AFAP1: variants seen among roughly 807,000 people sequenced by gnomAD.
AFAP1 encodes the protein actin filament associated protein 1, also known as actin filament-associated protein 1.
A neutral mutation model predicts 93.9 loss-of-function variants in AFAP1; 75 were observed. The ratio of observed to expected loss-of-function variants is 0.80; its 90% CI spans 0.66 to 0.97. The LOEUF (loss-of-function observed/expected upper bound fraction) is 0.97, where lower values mean the gene tolerates loss of function less well. Ranked by LOEUF, AFAP1 falls within the 50% of genes least tolerant of loss-of-function variation. The pLI, the probability that AFAP1 is intolerant of heterozygous loss-of-function variation, is 0.00. For missense variants in AFAP1, 1,201 were observed against 1,050.8 expected (o/e 1.14, Z -1.98); for synonymous variants, 517 against 430.7 (o/e 1.20, Z -2.48).
chr4:7,789,195 G>C (rs975415908), intron 11 of AFAP1, among the ~76,000 whole-genome samples: 3 of 152,134 alleles, frequency 2.0e-5, no homozygotes, highest in Non-Finnish European at 2.9e-5. Context: ...CGAGGCCTCG[G>C]TCTTGTGCTT....
intron 13 of AFAP1, among the ~76,000 whole-genome samples, chr4:7,780,724 A>C (rs1340507838): frequency 6.6e-6 from 1 of 152,142 alleles, no homozygotes; most frequent in Non-Finnish European, 1.5e-5. Flanking sequence ...AGGGTGTGCA[A>C]TGGACAGTAG....
At chr4:7,776,760 AGG>A (rs1716169125) in intron 14 of AFAP1, 1 of 152,238 alleles carries the variant, frequency 6.6e-6, no homozygotes, top group Non-Finnish European at 1.5e-5. Flanking sequence ...CTGAAACAAA[AGG>A]ATCGCTGTTT....
chr4:7,770,337 C>T (rs145037534), intron 16 of AFAP1, among the ~76,000 whole-genome samples: 10 of 152,124 alleles, frequency 6.6e-5, no homozygotes, highest in South Asian at 4.1e-4. Flanking sequence ...GCAGCTGTGC[C>T]GAAGGGCACC....
intron 3 of AFAP1, among the ~76,000 whole-genome samples, chr4:7,860,231 A>G (rs1715520334): frequency 6.6e-6 from 1 of 152,172 alleles, no homozygotes; most frequent in Non-Finnish European, 1.5e-5. Flanking sequence ...CTTCTGCAAA[A>G]TGCTTGGGAC....
At chr4:7,897,132 C>T (rs1040850551) in intron 1 of AFAP1, among the ~76,000 whole-genome samples, 3 of 152,114 alleles carry the variant, frequency 2.0e-5, no homozygotes, top group African/African-American at 4.8e-5. Context: ...AACTCCAAAC[C>T]ATTTCCAACT....
In AFAP1 at chr4:7,819,095, T is replaced by G; in HGVS notation, c.803A>C (p.His268Pro). 3 of 1,613,286 alleles carry G rather than the reference T, an allele frequency of 1.9e-6. No individual in the cohort carries two copies. The highest frequency in any genetic ancestry group is 1.7e-6 in the Non-Finnish European group (2 of 1,179,630). ...CCTTACCTTCTCCAGTTCTGCCTTG[T>G]GCACCGGGGAGCTTGGTGGAGGAGG... is the stretch of plus-strand genomic sequence containing the variant. ...ECPPPPSSPV[H>P]KAELEKKLSS... is the part of the protein sequence containing the mutation. Residue 268 changes from histidine (H) to proline (P), a missense_variant, in exon 7 of 18, where the codon CAC becomes CCC. His to Pro is a moderately conservative substitution (Grantham distance 77, BLOSUM62 -2). Transcript: ENST00000420658.
intron 11 of AFAP1, 58 bp from the exon 12 acceptor site, chr4:7,786,369 T>C: frequency 2.1e-6 from 3 of 1,430,486 alleles, no homozygotes. Flanking sequence ...CTCCAATCAG[T>C]CAAGTCTTTA....
intron 1 of AFAP1, among the ~76,000 whole-genome samples, chr4:7,936,902 G>A (rs1195415347): frequency 6.6e-6 from 1 of 152,030 alleles, no homozygotes. Context: ...TTTTAAACTA[G>A]GCTTCAAACC....
At chr4:7,786,449 T>C in intron 11 of AFAP1, 138 bp from the exon 12 acceptor site, 1 of 716,602 alleles carries the variant, frequency 1.4e-6, no homozygotes. Context: ...CTAGACAGAA[T>C]CTCGGCAGAA....
chr4:7,770,952 C>T (rs2148956464), intron 16 of AFAP1, among the ~76,000 whole-genome samples: 1 of 152,342 alleles, frequency 6.6e-6, no homozygotes, highest in South Asian at 2.1e-4. Context: ...CTGCCACTCT[C>T]ACTGCACCTG....
intron 14 of AFAP1, chr4:7,775,816 TTAAA>T (rs2148969789): frequency 1.3e-5 from 2 of 151,780 alleles, no homozygotes; most frequent in South Asian, 4.2e-4. Flanking sequence ...GTTACGAGGA[TTAAA>T]TATTTATAAA....
chr4:7,885,456 G>C (rs1478160238), intron 1 of AFAP1, among the ~76,000 whole-genome samples: 1 of 152,044 alleles, frequency 6.6e-6, no homozygotes, highest in Non-Finnish European at 1.5e-5. Context: ...CGTCTCCCCC[G>C]CCTCAGGCCG....
At chr4:7,784,920 G>A (rs1717123944) in intron 12 of AFAP1, among the ~76,000 whole-genome samples, 1 of 152,134 alleles carries the variant, frequency 6.6e-6, no homozygotes, top group Non-Finnish European at 1.5e-5. Context: ...AAAGAATGGA[G>A]AATCAAAACA....
At position 7,820,801 on chromosome 4, in the gene AFAP1, CAG is replaced by C. The variant is rs1720909634; in HGVS notation, c.727-1632_727-1631del. 2.6e-5 allele frequency among the ~76,000 whole-genome samples: 4 copies of C among 152,264 alleles called. No homozygotes were observed. In the South Asian group the frequency reaches 8.3e-4, roughly 32 times the overall value. ...AGAGAGGCTAGCACATCCTGTCTGA[CAG>C]AGTCCACTTTCTCAGTAAGACTATC... On this transcript the variant is annotated intron_variant, in intron 6 of 17. Coordinates refer to ENST00000420658, the MANE Select transcript of AFAP1 (RefSeq NM_001134647.2).
At chr4:7,806,944 C>T (rs1442134804) in intron 9 of AFAP1, among the ~76,000 whole-genome samples, 8 of 152,230 alleles carry the variant, frequency 5.3e-5, no homozygotes, top group Admixed American at 3.9e-4. Flanking sequence ...TATCAGGAGC[C>T]ACGGGAGTGT....
chr4:7,771,201 G>C (rs1327959271), intron 16 of AFAP1, among the ~76,000 whole-genome samples: 1 of 152,208 alleles, frequency 6.6e-6, no homozygotes, highest in Non-Finnish European at 1.5e-5. Context: ...TGCAGGCCTG[G>C]AACAGTTTGT....
chr4:7,903,431 G>A (rs1719226854), intron 1 of AFAP1, among the ~76,000 whole-genome samples: 1 of 152,250 alleles, frequency 6.6e-6, no homozygotes, highest in Admixed American at 6.5e-5. Flanking sequence ...TGTAATCTCA[G>A]CACTTTGGGA....
chr4:7,759,807 G>T lies in AFAP1; in HGVS notation c.*3958C>A, dbSNP rs911810900. 2 of 152,248 alleles carry T rather than the reference G, an allele frequency of 1.3e-5. No individual in the cohort carries two copies. Among genetic ancestry groups the T allele is most frequent in the Non-Finnish European group, 2.9e-5 (2 of 68,044 alleles). 9.4% of individuals were successfully genotyped at this position (152,248 alleles called of 1,614,324 possible). On this transcript the variant is annotated 3_prime_UTR_variant, in exon 18 of 18. Transcript: ENST00000420658. ...GGATGGACATCCACCTGAATGCAGGGGCCACCTGTGAGCTCAGGGTGTCGG... is the reference window on the plus strand; with the variant it reads ...GGATGGACATCCACCTGAATGCAGGTGCCACCTGTGAGCTCAGGGTGTCGG...
intron 5 of AFAP1, among the ~76,000 whole-genome samples, chr4:7,839,065 T>C (rs1012782287): frequency 6.6e-6 from 1 of 152,224 alleles, no homozygotes; most frequent in African/African-American, 2.4e-5. Flanking sequence ...CTGGGCACGA[T>C]GGCTCACGCC....
Sources: gnomAD v4.1 joint callset for allele counts (sites outside exome capture counted in the v4.1 genomes callset) on GRCh38, gnomAD v4.1.1 for gene constraint, MANE v1.5 for transcripts, NCBI Gene and HGNC (gene_info 2026-07-23, HGNC 2026-07-21) for gene names.